TEF: variants seen among roughly 807,000 people sequenced by gnomAD.
TEF encodes TEF transcription factor, PAR bZIP family member.
TEF carries 3 observed loss-of-function variants against 20.8 expected under a neutral mutation model. The observed-to-expected ratio is 0.14, with a 90% CI of 0.07 to 0.37. The LOEUF (loss-of-function observed/expected upper bound fraction) is 0.37. Ranked by LOEUF, TEF falls within the 10% of genes least tolerant of loss-of-function variation. TEF has a pLI of 1.00. For synonymous variants in TEF, 180 were observed against 171.1 expected (o/e 1.05, Z -0.41); for missense variants, 296 against 397.9 (o/e 0.74, Z 2.18).
rs2145996993 is a variant in TEF at position 41,398,801 on chromosome 22, G to C, written c.*2841G>C. On this transcript the variant is annotated 3_prime_UTR_variant, in exon 4 of 4. Coordinates refer to ENST00000266304, the MANE Select transcript of TEF (RefSeq NM_003216.4). ...TGGCCTGAGGCAGGGCGGGAGGCAT[G>C]CAAGCCAGTGGGGGAAAACCCCTCT... The C allele has an allele frequency of 6.6e-6, 1 of 152,504 alleles. No homozygotes were observed. Among genetic ancestry groups the C allele is most frequent in the South Asian group, 2.1e-4 (1 of 4,828 alleles). The allele number at this position is 152,504 out of a possible 1,614,324, so 9.4% of individuals were successfully genotyped here.
At chr22:41,381,450 C>CG (rs1302894138), upstream of TEF, among the ~76,000 whole-genome samples, 10 of 152,276 alleles carry the variant, frequency 6.6e-5, no homozygotes, top group East Asian at 3.9e-4. Context: ...ACGTGACCCG[C>CG]GGGGGGTGGA....
At chr22:41,369,046 G>A in intron 1 of TEF, 1 of 985,252 alleles carries the variant, frequency 1.0e-6, no homozygotes, top group Non-Finnish European at 1.2e-6. Context: ...AGGAAGGGTG[G>A]TACAGTCCCT....
intron 1 of TEF, among the ~76,000 whole-genome samples, chr22:41,373,368 C>G (rs1024644332): frequency 4.6e-5 from 7 of 152,162 alleles, no homozygotes; most frequent in African/African-American, 1.2e-4. Flanking sequence ...TTTTGACTCC[C>G]CAAAAGCTTA....
At position 41,387,535 on chromosome 22, in the gene TEF, C is replaced by T; in HGVS notation, c.342C>T (p.Pro114=). Residue 114 remains proline, a synonymous_variant, in exon 2 of 4, where the codon CCC becomes CCT. Coordinates refer to ENST00000266304, the MANE Select transcript of TEF (RefSeq NM_003216.4). ...TGGAGAATGGCATCCCCGCCAGCCC[C>T]ACCCACCTGGCCCACAACCTGCTGC... ...FLLENGIPAS[P]THLAHNLLLP... is the part of the protein sequence containing the mutation. 1 of 1,614,236 alleles carries T rather than the reference C, an allele frequency of 6.2e-7. No individual in the cohort carries two copies.
At position 41,395,878 on chromosome 22, in the gene TEF, C is replaced by T. The variant is rs367638171; in HGVS notation, c.830C>T (p.Thr277Met). The stretch of plus-strand genomic sequence containing the variant: ...GAGAAGGAGAACACAGCCCTGCGGA[C>T]GGAGGTGGCCGAGCTACGCAAGGAG... ...FLEKENTALR[T>M]EVAELRKEVG... Residue 277 changes from threonine (T) to methionine (M), a missense_variant, in exon 4 of 4, where the codon ACG (threonine) becomes ATG (methionine). Coordinates refer to ENST00000266304, the MANE Select transcript of TEF (RefSeq NM_003216.4). 149 of 1,614,066 alleles carry T rather than the reference C, an allele frequency of 9.2e-5. No homozygotes were observed. The highest frequency in any genetic ancestry group is 1.2e-4 in the Non-Finnish European group (139 of 1,180,032).
intron 1 of TEF, among the ~76,000 whole-genome samples, chr22:41,386,859 C>T (rs1339665455): frequency 2.6e-5 from 4 of 152,074 alleles, no homozygotes; most frequent in African/African-American, 9.7e-5. Context: ...GCCTGGCCAA[C>T]ATAGTAAAAC....
upstream of TEF, among the ~76,000 whole-genome samples, chr22:41,380,457 A>C (rs149504126): frequency 2.0e-5 from 3 of 152,210 alleles, no homozygotes; most frequent in Non-Finnish European, 2.9e-5. Flanking sequence ...GCCCAGCCCC[A>C]GCAAAATTCT....
chr22:41,390,495 C>CTTTTTTT (rs11358311), intron 2 of TEF, among the ~76,000 whole-genome samples: 24 of 80,360 alleles, frequency 3.0e-4, no homozygotes, highest in East Asian at 9.0e-4. Flanking sequence ...TCATTGTCAT[C>CTTTTTTT]TTTTTTTTTT....
chr22:41,369,790 G>T (rs2036859813), intron 1 of TEF: 1 of 523,936 alleles, frequency 1.9e-6, no homozygotes, highest in African/African-American at 2.1e-5. Context: ...ATTGGAGAAA[G>T]ACAACAGAGG....
chr22:41,367,578 C>T, exon 1 of TEF: 1 of 1,551,392 alleles, frequency 6.4e-7, no homozygotes, highest in Non-Finnish European at 8.7e-7. Context: ...GCACTCTCTG[C>T]CTTGGCCAGA....
intron 1 of TEF, among the ~76,000 whole-genome samples, chr22:41,384,842 C>T (rs1022203140): frequency 1.3e-5 from 2 of 152,130 alleles, no homozygotes; most frequent in Non-Finnish European, 2.9e-5. Flanking sequence ...AAACCTCCGC[C>T]TCCAAGGTTC....
intron 1 of TEF, among the ~76,000 whole-genome samples, chr22:41,372,621 C>G (rs9611566): frequency 1.3e-5 from 2 of 151,932 alleles, no homozygotes; most frequent in Admixed American, 1.3e-4. Flanking sequence ...TGTCTCGGGT[C>G]GTAGCTCTTC....
chr22:41,393,962 C>G, intron 2 of TEF, 134 bp from the exon 3 acceptor site: 1 of 673,624 alleles, frequency 1.5e-6, no homozygotes, highest in Non-Finnish European at 2.5e-6. Context: ...GGGGCTGGTA[C>G]TGTTGGGGTT....
At position 41,387,479 on chromosome 22, in the gene TEF, C is replaced by G; in HGVS notation, c.286C>G (p.Leu96Val). Residue 96 changes from leucine to valine, a missense_variant, in exon 2 of 4, where the codon CTG (leucine) becomes GTG (valine). This residue lies in a region of TEF where 194 missense variants were observed against 317.8 expected (regional missense o/e 0.61). Transcript: ENST00000266304. ...CCCATATGATGGCGAATCTTTCCAC[C>G]TGGAGTACATGGACCTGGATGAGTT... Reference protein sequence around the residue: ...TIPYDGESFHLEYMDLDEFLL... With the variant: ...TIPYDGESFHVEYMDLDEFLL... 6.2e-7 allele frequency: 1 copy of G among 1,614,234 alleles called. No homozygotes were observed. Among genetic ancestry groups the G allele is most frequent in the Non-Finnish European group, 8.5e-7 (1 of 1,180,050 alleles).
At chr22:41,381,757 T>C (rs1425962426), upstream of TEF, among the ~76,000 whole-genome samples, 2 of 151,638 alleles carry the variant, frequency 1.3e-5, no homozygotes, top group African/African-American at 4.8e-5. Context: ...CGCACGTGTC[T>C]ATCTTATCCC....
intron 1 of TEF, among the ~76,000 whole-genome samples, chr22:41,386,993 G>A (rs1292153014): frequency 6.6e-6 from 1 of 152,098 alleles, no homozygotes; most frequent in Non-Finnish European, 1.5e-5. Context: ...GCAGCGAGCC[G>A]AAATTGGGTC....
rs1333605104 is a variant in TEF, at chr22:41,398,470, T to A, written c.*2510T>A. 6.5e-6 allele frequency: 1 copy of A among 153,778 alleles called. No homozygotes were observed. The highest frequency in any genetic ancestry group is 1.5e-5 in the Non-Finnish European group (1 of 68,056). The allele number at this position is 153,778 out of a possible 1,614,324, so 9.5% of individuals were successfully genotyped here. On this transcript the variant is annotated 3_prime_UTR_variant, in exon 4 of 4. Coordinates refer to ENST00000266304, the MANE Select transcript of TEF (RefSeq NM_003216.4). Reference sequence around the variant, plus strand: ...TGCCGTCTACTTCCTAAGCATCCTGTCTAAAGCTTTGTGGCACCCTCAGTG... The same window carrying A: ...TGCCGTCTACTTCCTAAGCATCCTGACTAAAGCTTTGTGGCACCCTCAGTG...
chr22:41,378,217 G>A (rs2036969558), upstream of TEF, among the ~76,000 whole-genome samples: 1 of 142,674 alleles, frequency 7.0e-6, no homozygotes, highest in Non-Finnish European at 1.5e-5. Flanking sequence ...CCCACAGGCT[G>A]GAGTGCAGTG....
chr22:41,382,571 C>T (rs941084772), intron 1 of TEF, among the ~76,000 whole-genome samples: 4 of 152,096 alleles, frequency 2.6e-5, no homozygotes, highest in African/African-American at 9.7e-5. Context: ...GTCACTGGGA[C>T]AGGGGTCTTG....
Sources: gnomAD v4.1 joint callset for allele counts (sites outside exome capture counted in the v4.1 genomes callset) on GRCh38, gnomAD v4.1.1 for gene constraint, gnomAD v4.1.1 regional missense constraint, MANE v1.5 for transcripts, NCBI Gene and HGNC (gene_info 2026-07-23, HGNC 2026-07-21) for gene names.